CCDC93: variants seen among roughly 807,000 people sequenced by gnomAD.
The protein encoded by CCDC93 is CCC complex scaffolding subunit CCDC93, also known as coiled-coil domain-containing protein 93.
In CCDC93, 61 loss-of-function variants were observed where a neutral mutation model predicts 108.2. The observed-to-expected ratio is 0.56, with a 90% CI of 0.46 to 0.70. The LOEUF is 0.70. CCDC93 is among the 30% of genes least tolerant of loss of function. CCDC93 has a pLI of 0.00. For missense variants in CCDC93, 685 were observed against 764.2 expected, an observed-to-expected ratio of 0.90 and a Z score of 1.22; for synonymous variants, 276 against 260.4, an observed-to-expected ratio of 1.06 and a Z score of -0.58.
intron 4 of CCDC93, chr2:117,998,177 T>G (rs1332487484): frequency 2.0e-5 from 3 of 152,154 alleles, no homozygotes; most frequent in South Asian, 2.1e-4. Context: ...TAGATCTGCT[T>G]TTTTCTTGGC....
At chr2:117,993,313 G>A (rs934094745) in intron 6 of CCDC93, among the ~76,000 whole-genome samples, 1 of 151,354 alleles carries the variant, frequency 6.6e-6, no homozygotes, top group African/African-American at 2.4e-5. Flanking sequence ...GGAGAATGGC[G>A]TGAACCCGGG....
intron 4 of CCDC93, chr2:117,996,996 T>C (rs1680674783): frequency 6.6e-6 from 1 of 152,222 alleles, no homozygotes; most frequent in African/African-American, 2.4e-5. Flanking sequence ...CTGGCTGAGT[T>C]TTACTGAACC....
chr2:117,971,735 C>A (rs1270698094), intron 11 of CCDC93, among the ~76,000 whole-genome samples: 5 of 152,208 alleles, frequency 3.3e-5, no homozygotes, highest in Admixed American at 3.3e-4. Flanking sequence ...TGCACTCACT[C>A]ACTGTCCTAC....
chr2:117,955,412 G>GTA (rs34660845), intron 12 of CCDC93, among the ~76,000 whole-genome samples: 147,539 of 152,230 alleles, frequency 0.97, 71,685 homozygotes, highest in Middle Eastern at 1. Flanking sequence ...ACAGGTAGAA[G>GTA]TAAATTGATA....
chr2:117,956,370 G>A (rs1315568246), intron 12 of CCDC93, among the ~76,000 whole-genome samples: 1 of 152,226 alleles, frequency 6.6e-6, no homozygotes, highest in East Asian at 1.9e-4. Flanking sequence ...CCTGTCAGCT[G>A]GACCAAGAAT....
chr2:117,958,299 C>G, intron 12 of CCDC93, 66 bp downstream of exon 12: 1 of 1,043,088 alleles, frequency 9.6e-7, no homozygotes, highest in Non-Finnish European at 1.5e-6. Flanking sequence ...AACCCCCGTT[C>G]TGGAATCTCC....
chr2:117,936,927 G>A, intron 20 of CCDC93, 188 bp from the exon 21 acceptor site: 1 of 584,810 alleles, frequency 1.7e-6, no homozygotes, highest in Non-Finnish European at 3.1e-6. Context: ...TTTCCTCAGG[G>A]AATCCACCTT....
In CCDC93 at chr2:117,946,804, C is replaced by A; in HGVS notation, c.1296+7G>T. The A allele has an allele frequency of 1.4e-5, 23 of 1,606,332 alleles. No homozygotes were observed. The highest frequency in any genetic ancestry group is 2.0e-5 in the Non-Finnish European group (23 of 1,172,844). ...GAGAGTCTCAAGGACTAATTCAGAGCCTTTACCTTTTCATCTCCACGTGGT... is the reference window on the plus strand; with the variant it reads ...GAGAGTCTCAAGGACTAATTCAGAGACTTTACCTTTTCATCTCCACGTGGT... On this transcript the variant is annotated splice_region_variant and intron_variant, in intron 16 of 23. Transcript: ENST00000376300.
At chr2:117,970,089 G>A (rs1301226140) in intron 11 of CCDC93, among the ~76,000 whole-genome samples, 1 of 152,128 alleles carries the variant, frequency 6.6e-6, no homozygotes, top group Non-Finnish European at 1.5e-5. Flanking sequence ...TTTGACTGGA[G>A]AGCACTGACA....
Position 117,975,217 on chromosome 2 carries a change from CGTG to C in CCDC93, c.718_720del (p.His240del), listed in dbSNP as rs772672699. ...TCAGCTGCTCGAAGCTCATCTTCCT[CGTG>C]GGCATCAGCTTTTTCTGTAGCTGAC... On this transcript the variant is annotated inframe_deletion, in exon 9 of 24. Transcript: ENST00000376300. 199 of 1,613,802 alleles carry C rather than the reference CGTG, an allele frequency of 1.2e-4. No homozygotes were observed. The highest frequency in any genetic ancestry group is 1.6e-4 in the Non-Finnish European group (193 of 1,179,962).
chr2:117,992,406 G>C (rs1284714511), intron 6 of CCDC93, among the ~76,000 whole-genome samples: 4 of 152,066 alleles, frequency 2.6e-5, no homozygotes, highest in Admixed American at 2.0e-4. Context: ...ACCATGCCTA[G>C]CTAATTATAG....
chr2:117,986,458 G>C (rs1453344199), intron 6 of CCDC93, among the ~76,000 whole-genome samples: 2 of 151,998 alleles, frequency 1.3e-5, no homozygotes, highest in African/African-American at 2.4e-5. Flanking sequence ...TCAGGTCTCC[G>C]GGTGCAGGTA....
chr2:117,962,160 T>A (rs1293877118), intron 11 of CCDC93, among the ~76,000 whole-genome samples: 2 of 152,242 alleles, frequency 1.3e-5, no homozygotes, highest in Non-Finnish European at 2.9e-5. Flanking sequence ...ACTTTTATAA[T>A]TGAAAGAAAC....
intron 11 of CCDC93, among the ~76,000 whole-genome samples, chr2:117,969,727 ATAAACAT>A (rs1308405468): frequency 6.6e-6 from 1 of 151,646 alleles, no homozygotes; most frequent in African/African-American, 2.4e-5. Flanking sequence ...GGACGAAAAC[ATAAACAT>A]TGTCCGAATC....
intron 11 of CCDC93, 56 bp downstream of exon 11, chr2:117,973,852 G>A (rs955616250): frequency 8.8e-6 from 12 of 1,366,662 alleles, no homozygotes; most frequent in African/African-American, 7.2e-5. Flanking sequence ...GGAAGTGGGA[G>A]AACAAAGCCA....
At chr2:117,944,840 G>A (rs1678817540) in intron 17 of CCDC93, 1 of 470,142 alleles carries the variant, frequency 2.1e-6, no homozygotes, top group Non-Finnish European at 4.4e-6. Flanking sequence ...AACCCTTAAA[G>A]AAGGCAGATG....
chr2:117,930,162 CTTAAA>C (rs1558768836), intron 23 of CCDC93, among the ~76,000 whole-genome samples: 1 of 152,098 alleles, frequency 6.6e-6, no homozygotes. Context: ...GAAGAAAAGT[CTTAAA>C]TTAAGAACAA....
At chr2:117,927,731 A>C (rs1281599039) in intron 23 of CCDC93, among the ~76,000 whole-genome samples, 2 of 152,180 alleles carry the variant, frequency 1.3e-5, no homozygotes, top group South Asian at 2.1e-4. Flanking sequence ...GCTACCAATG[A>C]CTTTCTTCAC....
chr2:117,993,343 C>T (rs2104810639), intron 6 of CCDC93, among the ~76,000 whole-genome samples: 1 of 151,282 alleles, frequency 6.6e-6, no homozygotes, highest in East Asian at 2.0e-4. Context: ...TTGCAGTGAG[C>T]CGAGACAGCG....
Sources: allele counts gnomAD v4.1 joint callset (sites outside exome capture counted in the v4.1 genomes callset), GRCh38; gene constraint gnomAD v4.1.1; transcripts MANE v1.5; gene names NCBI Gene and HGNC (gene_info 2026-07-23, HGNC 2026-07-21).